SLC8A1: variants seen among roughly 807,000 people sequenced by gnomAD.
The protein encoded by SLC8A1 is sodium/calcium exchanger 1.
SLC8A1 carries 18 observed loss-of-function variants against 68.3 expected under a neutral mutation model. That is an observed-to-expected ratio of 0.26 (90% confidence interval 0.18 to 0.39). The LOEUF is 0.39. SLC8A1 is among the 10% of genes least tolerant of loss of function. SLC8A1 has a pLI of 1.00. For missense variants in SLC8A1, 985 were observed against 1,156.7 expected (o/e 0.85, Z 2.15); for synonymous variants, 475 against 415.5 (o/e 1.14, Z -1.74).
intron 2 of SLC8A1, among the ~76,000 whole-genome samples, chr2:40,424,877 C>G (rs569052831): frequency 6.6e-6 from 1 of 151,698 alleles, no homozygotes; most frequent in Non-Finnish European, 1.5e-5. Context: ...ATCATTTTTC[C>G]AAAACAGTTA....
At chr2:40,400,805 G>A (rs1417732650) in intron 2 of SLC8A1, among the ~76,000 whole-genome samples, 2 of 152,164 alleles carry the variant, frequency 1.3e-5, no homozygotes, top group Non-Finnish European at 2.9e-5. Flanking sequence ...TGGAGCATCT[G>A]CCTTCTAAGG....
At chr2:40,126,560 G>C (rs1278813097) in intron 7 of SLC8A1, among the ~76,000 whole-genome samples, 1 of 152,152 alleles carries the variant, frequency 6.6e-6, no homozygotes, top group Non-Finnish European at 1.5e-5. Context: ...GCCATTATTT[G>C]AAGTGGAAAG....
intron 2 of SLC8A1, among the ~76,000 whole-genome samples, chr2:40,256,690 G>GAA (rs141405091): frequency 6.6e-6 from 1 of 151,020 alleles, no homozygotes. Context: ...TGGAGGGCAG[G>GAA]AAAAAAAAAT....
intron 1 of SLC8A1, among the ~76,000 whole-genome samples, chr2:40,458,205 A>C (rs750930830): frequency 6.6e-6 from 1 of 152,202 alleles, no homozygotes; most frequent in Non-Finnish European, 1.5e-5. Flanking sequence ...TTTCACTATT[A>C]ATAGAATATA....
At chr2:40,377,161 T>A (rs887157388) in intron 2 of SLC8A1, among the ~76,000 whole-genome samples, 9 of 152,208 alleles carry the variant, frequency 5.9e-5, no homozygotes, top group African/African-American at 2.2e-4. Flanking sequence ...CCTAGCCTAA[T>A]CAGGTAACCC....
chr2:40,219,766 G>C (rs1487957317), intron 2 of SLC8A1, among the ~76,000 whole-genome samples: 1 of 151,844 alleles, frequency 6.6e-6, no homozygotes, highest in Non-Finnish European at 1.5e-5. Context: ...AATCAAATCA[G>C]TATCTTAATT....
intron 1 of SLC8A1, among the ~76,000 whole-genome samples, chr2:40,468,459 T>G (rs1427013137): frequency 3.3e-5 from 5 of 152,132 alleles, no homozygotes; most frequent in South Asian, 2.1e-4. Flanking sequence ...CACGGCTCAT[T>G]AAGTTTAAAT....
At chr2:40,379,570 G>A (rs1181292119) in intron 2 of SLC8A1, among the ~76,000 whole-genome samples, 1 of 151,860 alleles carries the variant, frequency 6.6e-6, no homozygotes, top group South Asian at 2.1e-4. Context: ...CCTGTCCTTA[G>A]CTTGACTATG....
At chr2:40,479,964 G>GA (rs934327718) in intron 1 of SLC8A1, among the ~76,000 whole-genome samples, 5 of 152,050 alleles carry the variant, frequency 3.3e-5, no homozygotes, top group African/African-American at 1.2e-4. Flanking sequence ...ATATAGTTAT[G>GA]AAAACTAACT....
chr2:40,391,166 T>C (rs1012945369), intron 2 of SLC8A1, among the ~76,000 whole-genome samples: 3 of 69,118 alleles, frequency 4.3e-5, no homozygotes, highest in Non-Finnish European at 8.6e-5. Context: ...TAAATATATA[T>C]GTAGATGCGT....
chr2:40,394,326 C>A (rs2149614250), intron 2 of SLC8A1, among the ~76,000 whole-genome samples: 1 of 152,164 alleles, frequency 6.6e-6, no homozygotes, highest in Middle Eastern at 3.4e-3. Context: ...TTGGGTATTT[C>A]TGCCCAATAA....
intron 2 of SLC8A1, among the ~76,000 whole-genome samples, chr2:40,397,166 C>T (rs1448879895): frequency 6.6e-6 from 1 of 152,164 alleles, no homozygotes; most frequent in Non-Finnish European, 1.5e-5. Context: ...ATTCCTGGCA[C>T]ATAGTAGATA....
intron 1 of SLC8A1, among the ~76,000 whole-genome samples, chr2:40,434,423 C>T (rs2149802606): frequency 6.6e-6 from 1 of 152,258 alleles, no homozygotes; most frequent in Non-Finnish European, 1.5e-5. Context: ...TGAGTTCCTT[C>T]TTCATCCTTT....
chr2:40,333,274 T>C (rs1430580512), intron 2 of SLC8A1, among the ~76,000 whole-genome samples: 2 of 151,858 alleles, frequency 1.3e-5, no homozygotes, highest in South Asian at 2.1e-4. Context: ...TCGTCTCTAC[T>C]AAAAATACGA....
At chr2:40,454,480 C>CTTTTT (rs543088073), upstream of SLC8A1, among the ~76,000 whole-genome samples, 2 of 119,540 alleles carry the variant, frequency 1.7e-5, no homozygotes, top group Non-Finnish European at 3.5e-5. Flanking sequence ...TGTCTTAAGA[C>CTTTTT]TTTTTTTTTT....
At chr2:40,333,788 G>A (rs190957536) in intron 2 of SLC8A1, among the ~76,000 whole-genome samples, 6 of 152,218 alleles carry the variant, frequency 3.9e-5, no homozygotes, top group South Asian at 2.1e-4. Context: ...AGTAGCTCAC[G>A]CCAGTAATCC....
chr2:40,418,111 C>G (rs2149730484), intron 2 of SLC8A1, among the ~76,000 whole-genome samples: 1 of 152,248 alleles, frequency 6.6e-6, no homozygotes, highest in African/African-American at 2.4e-5. Flanking sequence ...TAAAATAATT[C>G]AAACCTATAG....
intron 2 of SLC8A1, among the ~76,000 whole-genome samples, chr2:40,379,607 T>C (rs956350972): frequency 6.6e-6 from 1 of 151,880 alleles, no homozygotes; most frequent in Non-Finnish European, 1.5e-5. Context: ...CTGAATCTCA[T>C]TCCAGACTAA....
rs573422695 is a variant in SLC8A1, at chr2:40,194,721, T to TA, written c.1809-16867_1809-16866insT. Among the ~76,000 whole-genome samples, 312 of 151,770 alleles carry TA rather than the reference T, an allele frequency of 2.1e-3. 3 individuals are homozygous for TA. Among genetic ancestry groups the TA allele is most frequent in the African/African-American group, 7.1e-3 (294 of 41,346 alleles). The stretch of plus-strand genomic sequence containing the variant: ...AGCAGTGAGAGGTTGAAGGCCAAGG[T>TA]GATAGCAAGGGTTTGGTAGCAGCAA... On this transcript the variant is annotated intron_variant, in intron 2 of 7. Coordinates refer to ENST00000406785, the Ensembl canonical transcript of SLC8A1.
Sources: gnomAD v4.1 joint callset for allele counts (sites outside exome capture counted in the v4.1 genomes callset) on GRCh38, gnomAD v4.1.1 for gene constraint, MANE v1.5 for transcripts, NCBI Gene and HGNC (gene_info 2026-07-23, HGNC 2026-07-21) for gene names.